The following RNF17 variants were observed in gnomAD, a reference collection of about 807,000 sequenced individuals.
RNF17 encodes the protein spermatogenesis associated 23.
In RNF17, 31 loss-of-function variants were observed where a neutral mutation model predicts 200.5. That is an observed-to-expected ratio of 0.15 (90% confidence interval 0.12 to 0.21). The LOEUF (loss-of-function observed/expected upper bound fraction) is 0.21. Among genes scored for constraint, RNF17 ranks in the 10% least tolerant of loss-of-function variants. The probability of loss-of-function intolerance (pLI) is 1.00; values close to 1 mark genes in which losing one functional copy is unlikely to be tolerated. For missense variants in RNF17, 1,628 were observed against 1,905.1 expected, an observed-to-expected ratio of 0.85 and a Z score of 2.71; for synonymous variants, 606 against 637.8, an observed-to-expected ratio of 0.95 and a Z score of 0.75.
chr13:24,821,358 A>G (rs1434727206), intron 15 of RNF17, among the ~76,000 whole-genome samples: 1 of 112,694 alleles, frequency 8.9e-6, no homozygotes, highest in African/African-American at 2.6e-5. Flanking sequence ...ATACAAATCA[A>G]CTCCTAACAT....
intron 15 of RNF17, among the ~76,000 whole-genome samples, chr13:24,820,329 C>G (rs1593339730): frequency 6.6e-6 from 1 of 151,998 alleles, no homozygotes; most frequent in Non-Finnish European, 1.5e-5. Flanking sequence ...ACCATGTTGG[C>G]CAGGCTGGTC....
chr13:24,794,672 CAAAT>C (rs1884319737), intron 10 of RNF17, among the ~76,000 whole-genome samples: 1 of 143,700 alleles, frequency 7.0e-6, no homozygotes, highest in Non-Finnish European at 1.6e-5. Context: ...GACCTCATCT[CAAAT>C]AAATGAATGA....
intron 15 of RNF17, among the ~76,000 whole-genome samples, chr13:24,805,597 C>G (rs1333136116): frequency 6.6e-6 from 1 of 152,178 alleles, no homozygotes; most frequent in African/African-American, 2.4e-5. Context: ...ATCCATTCAT[C>G]TATTGATGGC....
intron 15 of RNF17, among the ~76,000 whole-genome samples, chr13:24,806,772 A>G (rs191929067): frequency 0.19 from 27,897 of 145,666 alleles, 2,970 homozygotes; most frequent in South Asian, 0.31. Context: ...AGCATTAGGT[A>G]TATCTCCCAA....
At position 24,850,351 on chromosome 13, in the gene RNF17, G is replaced by GACT. The variant is rs1486261213; in HGVS notation, c.3112_3113insACT (p.Gly1038delinsAspTrp). ...TGTTTTCTGTTGTAGACCAGCTGGT[G>GACT]GGAGTGACAAGTGGACAGCAACAGC... On this transcript the variant is annotated protein_altering_variant, in exon 23 of 36. Coordinates refer to ENST00000255324, the MANE Select transcript of RNF17 (RefSeq NM_031277.3). The GACT allele has an allele frequency of 1.9e-6, 3 of 1,611,774 alleles. No homozygotes were observed. Among genetic ancestry groups the GACT allele is most frequent in the Non-Finnish European group, 1.7e-6 (2 of 1,178,214 alleles).
intron 16 of RNF17, among the ~76,000 whole-genome samples, chr13:24,827,707 A>AAAAAAAAT (rs1888863414): frequency 8.1e-6 from 1 of 123,132 alleles, no homozygotes; most frequent in African/African-American, 3.6e-5. Context: ...GTCTCAAAAA[A>AAAAAAAAT]AAAAAAAAAA....
At chr13:24,854,263 T>C in intron 25 of RNF17, 119 bp downstream of exon 25, 1 of 709,426 alleles carries the variant, frequency 1.4e-6, no homozygotes, top group East Asian at 2.6e-5. Flanking sequence ...ATTAAATGAT[T>C]TCACACAATG....
Position 24,845,025 on chromosome 13 carries a change from A to C in RNF17, c.3047A>C (p.Glu1016Ala). 6.2e-7 allele frequency: 1 copy of C among 1,608,068 alleles called. No homozygotes were observed. The highest frequency in any genetic ancestry group is 8.5e-7 in the Non-Finnish European group (1 of 1,174,580). ...VNVDCLRKLE[E>A]NLKTMGRLSL... ...GTTGACTGTTTAAGAAAACTTGAAG[A>C]AAATCTAAAGACAATGGGAAGACTC... Residue 1016 changes from glutamate to alanine, a missense_variant, in exon 22 of 36, where the codon GAA becomes GCA. Transcript: ENST00000255324.
the RNF17 span, among the ~76,000 whole-genome samples, chr13:24,758,655 A>G: frequency 1.3e-5 from 2 of 152,200 alleles, no homozygotes; most frequent in African/African-American, 2.4e-5. Flanking sequence ...TGGTATTTGT[A>G]TATTGTATCT....
intron 2 of RNF17, among the ~76,000 whole-genome samples, chr13:24,770,182 A>G (rs1436120825): frequency 6.6e-6 from 1 of 152,186 alleles, no homozygotes; most frequent in Non-Finnish European, 1.5e-5. Context: ...AGATAATTGT[A>G]TAATCTTGGA....
intron 1 of RNF17, among the ~76,000 whole-genome samples, chr13:24,765,348 T>G (rs1242644836): frequency 6.6e-6 from 1 of 152,222 alleles, no homozygotes; most frequent in East Asian, 1.9e-4. Context: ...TTAAAATACC[T>G]TAGTGTGCTC....
chr13:24,866,196 G>C lies in RNF17; in HGVS notation c.4154G>C (p.Arg1385Thr). ...KKYEEEQWEIRFEELLSAETD... is the reference protein window; with the variant it reads ...KKYEEEQWEITFEELLSAETD... The stretch of plus-strand genomic sequence containing the variant: ...TATGAAGAGGAACAATGGGAAATAA[G>C]GTTTGAGGTAAGTAACAATCCAAGT... Residue 1385 changes from arginine (R) to threonine (T), a missense_variant, in exon 30 of 36, where the codon AGG becomes ACG. Physicochemically the swap from Arg to Thr is moderately conservative, Grantham distance 71. Around this residue, in one of 5 missense-constraint regions of RNF17, gnomAD observed 609 missense variants for 681.9 expected, o/e 0.89. Transcript: ENST00000255324. 1 of 1,547,380 alleles carries C rather than the reference G, an allele frequency of 6.5e-7. No individual in the cohort carries two copies. The highest frequency in any genetic ancestry group is 8.9e-7 in the Non-Finnish European group (1 of 1,123,304).
chr13:24,862,934 A>C (rs1021072918), intron 28 of RNF17, 141 bp downstream of exon 28: 1 of 469,256 alleles, frequency 2.1e-6, no homozygotes, highest in South Asian at 3.9e-5. Flanking sequence ...AGAAACTACC[A>C]GTTTGGTTCC....
chr13:24,846,841 C>T (rs1210312859), intron 22 of RNF17, among the ~76,000 whole-genome samples: 1 of 152,120 alleles, frequency 6.6e-6, no homozygotes, highest in Admixed American at 6.5e-5. Flanking sequence ...TGACTTGAAG[C>T]CAATTGCATG....
rs1884062532 is a variant in RNF17, at chr13:24,792,974, A to G, written c.936-68A>G. ...ATTAATGTCCATGGTGGGAGTTTCTAGTGACTTATTCATGGTTGTACCATA... is the reference window on the plus strand; with the variant it reads ...ATTAATGTCCATGGTGGGAGTTTCTGGTGACTTATTCATGGTTGTACCATA... On this transcript the variant is annotated intron_variant, in intron 9 of 35. Coordinates refer to ENST00000255324, the MANE Select transcript of RNF17 (RefSeq NM_031277.3). 3 of 1,070,266 alleles carry G rather than the reference A, an allele frequency of 2.8e-6. No homozygotes were observed. In the East Asian group the frequency reaches 7.2e-5, roughly 26 times the overall value. The allele number at this position is 1,070,266 out of a possible 1,614,324, so 66.3% of individuals were successfully genotyped here.
At chr13:24,797,481 T>C (rs907294940) in intron 11 of RNF17, among the ~76,000 whole-genome samples, 1 of 152,100 alleles carries the variant, frequency 6.6e-6, no homozygotes, top group Non-Finnish European at 1.5e-5. Context: ...ATACAGCAGG[T>C]CTTCAAATAA....
At chr13:24,872,820 C>T (rs1182738021) in intron 32 of RNF17, among the ~76,000 whole-genome samples, 2 of 128,772 alleles carry the variant, frequency 1.6e-5, no homozygotes, top group East Asian at 4.3e-4. Flanking sequence ...GAATGTGTTC[C>T]CGATGTTTAT....
upstream of RNF17, among the ~76,000 whole-genome samples, chr13:24,762,445 T>C (rs1363896489): frequency 1.4e-5 from 2 of 144,974 alleles, no homozygotes; most frequent in African/African-American, 5.2e-5. Flanking sequence ...ATGAGGGGAA[T>C]AGGGAATAAT....
intron 18 of RNF17, among the ~76,000 whole-genome samples, chr13:24,839,590 C>T (rs1362120535): frequency 6.6e-6 from 1 of 152,056 alleles, no homozygotes; most frequent in Non-Finnish European, 1.5e-5. Context: ...ATACTTACAG[C>T]CACTGATCTT....
Sources: allele counts gnomAD v4.1 joint callset (sites outside exome capture counted in the v4.1 genomes callset), GRCh38; gene constraint gnomAD v4.1.1; regional missense constraint gnomAD v4.1.1; transcripts MANE v1.5; gene names NCBI Gene and HGNC (gene_info 2026-07-23, HGNC 2026-07-21).